AGPAT3: variants seen among roughly 807,000 people sequenced by gnomAD.
AGPAT3 encodes the protein 1-acyl-sn-glycerol-3-phosphate acyltransferase gamma.
AGPAT3 carries 5 observed loss-of-function variants against 47.3 expected under a neutral mutation model. The observed-to-expected ratio is 0.11, with a 90% CI of 0.06 to 0.22. The LOEUF is 0.22. Among genes scored for constraint, AGPAT3 ranks in the 10% least tolerant of loss-of-function variants. The pLI is 1.00. For missense variants in AGPAT3, 315 were observed against 493.0 expected (o/e 0.64, Z 3.42); for synonymous variants, 212 against 208.3 (o/e 1.02, Z -0.15).
At position 43,920,687 on chromosome 21, in the gene AGPAT3, C is replaced by T. The variant is rs1023005609; in HGVS notation, c.-49+16668C>T. ...CCTCCACAGACTCCCTCAAGGACAG[C>T]GTTTGGGGGCTTGCAGGCTGCTAAG... On this transcript the variant is annotated intron_variant, in intron 2 of 9. Transcript: ENST00000291572. This position sits in a 1 kb window ranked among gnomAD's most constrained non-coding sequence, Gnocchi z 6.1. Among the ~76,000 whole-genome samples the T allele has an allele frequency of 4.6e-5, 7 of 150,728 alleles. No homozygotes were observed. Among genetic ancestry groups the T allele is most frequent in the African/African-American group, 1.7e-4 (7 of 40,856 alleles).
chr21:43,918,912 A>T (rs1232610041), intron 2 of AGPAT3, among the ~76,000 whole-genome samples: 1 of 152,090 alleles, frequency 6.6e-6, no homozygotes, highest in African/African-American at 2.4e-5. Flanking sequence ...TATACTTGTG[A>T]TTACTTATGT....
chr21:43,899,165 C>T lies in AGPAT3; in HGVS notation c.-111-4792C>T, dbSNP rs574969675. ...GGTTAGAGTGTGCTGGTGGCGAACC[C>T]GCCCCTTGTGTTTGTCCGGAAGCAC... On this transcript the variant is annotated intron_variant, in intron 1 of 9. Coordinates refer to ENST00000291572, the MANE Select transcript of AGPAT3 (RefSeq NM_020132.5). 7.1e-4 allele frequency among the ~76,000 whole-genome samples: 32 copies of T among 45,020 alleles called. No individual in the cohort carries two copies. In the South Asian group the frequency reaches 0.025, roughly 35 times the overall value. The allele number at this position is 45,020 out of a possible 152,430, so 29.5% of individuals were successfully genotyped here. A position where few individuals can be genotyped will look rare whatever the true frequency, so the allele number is the denominator to read the frequency against.
intron 2 of AGPAT3, among the ~76,000 whole-genome samples, chr21:43,914,054 ATG>A (rs772189618): frequency 5.3e-4 from 81 of 152,116 alleles, no homozygotes; most frequent in Non-Finnish European, 1.0e-3. Context: ...AGTCTCTTTG[ATG>A]TCTGACCTCA....
At chr21:43,882,621 AC>A (rs1213348670) in intron 1 of AGPAT3, 2 of 152,180 alleles carry the variant, frequency 1.3e-5, no homozygotes, top group Non-Finnish European at 2.9e-5. Context: ...GTCTGGTAAG[AC>A]CCATGAAGGC....
chr21:43,875,798 G>T (rs771028391), intron 1 of AGPAT3, among the ~76,000 whole-genome samples: 3 of 152,140 alleles, frequency 2.0e-5, no homozygotes, highest in Non-Finnish European at 2.9e-5. Context: ...AGTAGAGACG[G>T]GGTTTCACCC....
intron 7 of AGPAT3, among the ~76,000 whole-genome samples, chr21:43,973,463 T>G (rs941550221): frequency 6.6e-6 from 1 of 152,186 alleles, no homozygotes; most frequent in African/African-American, 2.4e-5. Context: ...GGCTTGAGGC[T>G]GGGTGGTCAG....
chr21:43,882,103 C>T (rs898079979), intron 1 of AGPAT3, among the ~76,000 whole-genome samples: 1 of 152,280 alleles, frequency 6.6e-6, no homozygotes, highest in Non-Finnish European at 1.5e-5. Flanking sequence ...GGGGCAGACC[C>T]TTGTCCCTTG....
chr21:43,958,310 G>C (rs1370787823), intron 2 of AGPAT3, among the ~76,000 whole-genome samples: 1 of 151,978 alleles, frequency 6.6e-6, no homozygotes, highest in Non-Finnish European at 1.5e-5. Context: ...ATATGAGTGT[G>C]CATGGGGTGG....
At chr21:43,974,589 GGTGGTGTGTGT>G (rs919820114) in intron 7 of AGPAT3, among the ~76,000 whole-genome samples, 4 of 149,372 alleles carry the variant, frequency 2.7e-5, no homozygotes, top group Admixed American at 6.7e-5. Context: ...AAATCGTGAG[GGTGGTGTGTGT>G]GTGGTGTGTG....
At chr21:43,894,968 A>G (rs2145957607) in intron 1 of AGPAT3, among the ~76,000 whole-genome samples, 1 of 152,060 alleles carries the variant, frequency 6.6e-6, no homozygotes, top group East Asian at 1.9e-4. Flanking sequence ...CAGAGAACCA[A>G]CTTTGTGGCT....
At chr21:43,893,532 C>T (rs1159302710) in intron 1 of AGPAT3, among the ~76,000 whole-genome samples, 1 of 152,244 alleles carries the variant, frequency 6.6e-6, no homozygotes, top group Non-Finnish European at 1.5e-5. Context: ...CTGTTTGGCC[C>T]AAGAGGCCCA....
At chr21:43,974,984 C>T (rs937345641) in intron 7 of AGPAT3, among the ~76,000 whole-genome samples, 1 of 152,192 alleles carries the variant, frequency 6.6e-6, no homozygotes, top group Admixed American at 6.5e-5. Flanking sequence ...GGCTTGTGAA[C>T]ACTGCATGTG....
chr21:43,974,302 G>T (rs1355297606), intron 7 of AGPAT3, among the ~76,000 whole-genome samples: 1 of 151,900 alleles, frequency 6.6e-6, no homozygotes, highest in African/African-American at 2.4e-5. Flanking sequence ...TTATATATTC[G>T]TGTGGGGTGA....
chr21:43,970,963 C>T lies in AGPAT3; in HGVS notation c.664+157C>T, dbSNP rs1236961442. Among the ~76,000 whole-genome samples the T allele has an allele frequency of 6.6e-5, 10 of 151,620 alleles. No individual in the cohort carries two copies. The highest frequency in any genetic ancestry group is 1.3e-4 in the Admixed American group (2 of 15,254). ...GGGGGTCGGCGCCGCAAGGTTCCCG[C>T]GTCAGGTTTTGAGGTGATAAAATGC... On this transcript the variant is annotated intron_variant, in intron 6 of 9. Transcript: ENST00000291572. The surrounding 1 kb of genome is among the most constrained non-coding windows in gnomAD (Gnocchi z 5.8).
intron 2 of AGPAT3, among the ~76,000 whole-genome samples, chr21:43,927,621 T>G (rs537588785): frequency 7.9e-5 from 12 of 152,336 alleles, no homozygotes; most frequent in African/African-American, 2.4e-4. Context: ...TCCTTTCCAG[T>G]GAAGATGTGA....
intron 2 of AGPAT3, among the ~76,000 whole-genome samples, chr21:43,909,821 G>T (rs1313427624): frequency 6.6e-6 from 1 of 152,178 alleles, no homozygotes; most frequent in Non-Finnish European, 1.5e-5. Context: ...AGCTGTGAGG[G>T]AGCACTGGGC....
rs1048617741 is a variant in AGPAT3 at position 43,954,341 on chromosome 21, G to A, written c.-48-5293G>A. ...TGGGGAGGTGGAACAGGGTACCTGC[G>A]AGGTCTGTGAGTGAAACTACACTGC... On this transcript the variant is annotated intron_variant, in intron 2 of 9. Coordinates refer to ENST00000291572, the MANE Select transcript of AGPAT3 (RefSeq NM_020132.5). This position sits in a 1 kb window ranked among gnomAD's most constrained non-coding sequence, Gnocchi z 4.0. 2.6e-5 allele frequency among the ~76,000 whole-genome samples: 4 copies of A among 152,284 alleles called. No individual in the cohort carries two copies. The highest frequency in any genetic ancestry group is 1.9e-4 in the East Asian group (1 of 5,186).
chr21:43,909,421 G>A (rs1421345737), intron 2 of AGPAT3, among the ~76,000 whole-genome samples: 1 of 150,904 alleles, frequency 6.6e-6, no homozygotes, highest in Non-Finnish European at 1.5e-5. Flanking sequence ...TCAGCCTCCC[G>A]AGTAGCTGGG....
chr21:43,907,391 G>A (rs535703724), intron 2 of AGPAT3, among the ~76,000 whole-genome samples: 1 of 152,150 alleles, frequency 6.6e-6, no homozygotes, highest in African/African-American at 2.4e-5. Context: ...GTACTTCTCT[G>A]TATCTATTAC....
Sources: allele counts gnomAD v4.1 joint callset (sites outside exome capture counted in the v4.1 genomes callset), GRCh38; gene constraint gnomAD v4.1.1; non-coding constraint Gnocchi (gnomAD v3.1); transcripts MANE v1.5; gene names NCBI Gene and HGNC (gene_info 2026-07-23, HGNC 2026-07-21).